RFT1: variants seen among roughly 807,000 people sequenced by gnomAD.
RFT1 encodes the protein man(5)GlcNAc(2)-PP-dolichol translocation protein RFT1.
Under a neutral mutation model 62.2 loss-of-function variants are expected in RFT1, and 43 were observed. The ratio of observed to expected loss-of-function variants is 0.69; its 90% CI spans 0.54 to 0.89. The LOEUF (loss-of-function observed/expected upper bound fraction) is 0.89, where lower values mean the gene tolerates loss of function less well. RFT1 is among the 40% of genes least tolerant of loss of function. RFT1 has a pLI of 0.00. For missense variants in RFT1, 605 were observed against 649.9 expected (o/e 0.93, Z 0.75); for synonymous variants, 262 against 264.6 (o/e 0.99, Z 0.10).
intron 11 of RFT1, among the ~76,000 whole-genome samples, chr3:53,097,506 C>T (rs902272643): frequency 1.3e-5 from 2 of 152,202 alleles, no homozygotes; most frequent in Non-Finnish European, 2.9e-5. Flanking sequence ...TATATACTAT[C>T]GAAATTCCAT....
the RFT1 span, among the ~76,000 whole-genome samples, chr3:53,071,635 G>A: frequency 6.6e-6 from 1 of 152,192 alleles, no homozygotes; most frequent in South Asian, 2.1e-4. Flanking sequence ...ATGAGCCACA[G>A]CTCAGCTTAG....
At chr3:53,067,092 C>G in the RFT1 span, among the ~76,000 whole-genome samples, 2 of 152,190 alleles carry the variant, frequency 1.3e-5, no homozygotes, top group South Asian at 4.1e-4. Context: ...CTTTGGGAGG[C>G]CGAGGCGGGC....
At chr3:53,087,440 T>C (rs1700879623), downstream of RFT1, among the ~76,000 whole-genome samples, 1 of 151,880 alleles carries the variant, frequency 6.6e-6, no homozygotes. Context: ...GCCCAGCCTC[T>C]CACCTGAGCC....
intron 1 of RFT1, 112 bp from the exon 2 acceptor site, chr3:53,126,106 A>G: frequency 1.2e-6 from 1 of 858,088 alleles, no homozygotes; most frequent in Non-Finnish European, 1.9e-6. Context: ...GACATACAGC[A>G]GCTTTTTCAT....
At chr3:53,098,525 G>T (rs1250153196) in intron 11 of RFT1, among the ~76,000 whole-genome samples, 1 of 152,072 alleles carries the variant, frequency 6.6e-6, no homozygotes, top group Non-Finnish European at 1.5e-5. Context: ...CCATGAGGCT[G>T]GGCACGGTGG....
chr3:53,095,972 T>G (rs886217551), intron 11 of RFT1, among the ~76,000 whole-genome samples: 1 of 152,184 alleles, frequency 6.6e-6, no homozygotes, highest in Non-Finnish European at 1.5e-5. Context: ...GCTGTCAATC[T>G]TGGGCCTTTA....
chr3:53,080,943 CCTTT>C, the RFT1 span, among the ~76,000 whole-genome samples: 1 of 152,200 alleles, frequency 6.6e-6, no homozygotes, highest in African/African-American at 2.4e-5. Flanking sequence ...CACACACCTG[CCTTT>C]CTAATTCTCA....
the RFT1 span, among the ~76,000 whole-genome samples, chr3:53,073,210 C>G: frequency 6.6e-6 from 1 of 152,236 alleles, no homozygotes. Flanking sequence ...CGGCCTCTGC[C>G]CAGGCTGGGT....
chr3:53,127,987 C>T (rs561174726), intron 1 of RFT1, among the ~76,000 whole-genome samples: 59 of 151,954 alleles, frequency 3.9e-4, no homozygotes, highest in Non-Finnish European at 6.9e-4. Flanking sequence ...CTCAAGAAAC[C>T]ATATAAAAAT....
chr3:53,108,515 A>G (rs940192990), intron 7 of RFT1, among the ~76,000 whole-genome samples: 4 of 150,414 alleles, frequency 2.7e-5, no homozygotes, highest in African/African-American at 9.8e-5. Context: ...CAGCCTCCTG[A>G]GTAGCTGGGA....
At chr3:53,129,095 T>C (rs998909360) in intron 1 of RFT1, among the ~76,000 whole-genome samples, 7 of 152,178 alleles carry the variant, frequency 4.6e-5, no homozygotes, top group Admixed American at 3.9e-4. Flanking sequence ...ATAAACTCAG[T>C]TATTTATGTA....
downstream of RFT1, chr3:53,088,463 G>T (rs1431461273): frequency 6.6e-6 from 1 of 152,060 alleles, no homozygotes; most frequent in Admixed American, 6.6e-5. Flanking sequence ...AGGGAGAAGG[G>T]GTATGAAAGA....
chr3:53,127,532 T>G (rs1290110872), intron 1 of RFT1, among the ~76,000 whole-genome samples: 1 of 151,756 alleles, frequency 6.6e-6, no homozygotes, highest in Middle Eastern at 3.2e-3. Flanking sequence ...AAACCCCGCC[T>G]CTCCTAAAAA....
chr3:53,107,371 T>G (rs1215493369), intron 7 of RFT1, among the ~76,000 whole-genome samples: 1 of 152,066 alleles, frequency 6.6e-6, no homozygotes, highest in Non-Finnish European at 1.5e-5. Flanking sequence ...TCTCCTGACC[T>G]CGTGATCTGC....
chr3:53,067,942 A>T, the RFT1 span, among the ~76,000 whole-genome samples: 1 of 152,196 alleles, frequency 6.6e-6, no homozygotes, highest in Non-Finnish European at 1.5e-5. Flanking sequence ...GCAACTCATA[A>T]ATATACCTCC....
At chr3:53,118,787 A>C (rs1701880469) in intron 6 of RFT1, among the ~76,000 whole-genome samples, 1 of 152,144 alleles carries the variant, frequency 6.6e-6, no homozygotes, top group Non-Finnish European at 1.5e-5. Flanking sequence ...AGAGCCAGAA[A>C]ATGAAAGTCC....
the RFT1 span, among the ~76,000 whole-genome samples, chr3:53,067,367 A>G: frequency 2.0e-5 from 3 of 152,188 alleles, no homozygotes; most frequent in Non-Finnish European, 2.9e-5. Flanking sequence ...ATACAAAAAT[A>G]AAAAACATTG....
chr3:53,068,535 C>T, the RFT1 span, among the ~76,000 whole-genome samples: 1 of 152,204 alleles, frequency 6.6e-6, no homozygotes, highest in Non-Finnish European at 1.5e-5. Context: ...GGTGACAGAA[C>T]AGAGGCTTTC....
chr3:53,091,904 C>A lies in RFT1; in HGVS notation c.1625G>T (p.Ter542LeuextTer16). 1 of 1,614,148 alleles carries A rather than the reference C, an allele frequency of 6.2e-7. No homozygotes were observed. Among genetic ancestry groups the A allele is most frequent in the South Asian group, 1.1e-5 (1 of 91,074 alleles). ...TCGGGTGTCCAGGCTTCCCTGAAGT[C>A]ATGTCATTTTGTCAGTGCGTCTGGG... Reference protein sequence around the residue: ...GVPRRTDKMT* With the variant: ...GVPRRTDKMTL The change falls in exon 13 of 13, where the codon TGA becomes TTA. Residue 542 changes from the stop codon to leucine, a stop_lost. Coordinates refer to ENST00000296292, the MANE Select transcript of RFT1 (RefSeq NM_052859.4).
Sources: gnomAD v4.1 joint callset for allele counts (sites outside exome capture counted in the v4.1 genomes callset) on GRCh38, gnomAD v4.1.1 for gene constraint, MANE v1.5 for transcripts, NCBI Gene and HGNC (gene_info 2026-07-23, HGNC 2026-07-21) for gene names.